PDS5A: variants seen among roughly 807,000 people sequenced by gnomAD.
PDS5A encodes the protein PDS5 cohesin associated factor A, also known as sister chromatid cohesion protein PDS5 homolog A.
A neutral mutation model predicts 167.1 loss-of-function variants in PDS5A; 42 were observed. That is an observed-to-expected ratio of 0.25 (90% confidence interval 0.20 to 0.33). PDS5A has a LOEUF of 0.33. Ranked by LOEUF, PDS5A falls within the 10% of genes least tolerant of loss-of-function variation. The pLI, the probability that PDS5A is intolerant of heterozygous loss-of-function variation, is 1.00. For synonymous variants in PDS5A, 553 were observed against 554.6 expected (o/e 1.00, Z 0.04); for missense variants, 1,033 against 1,605.9 (o/e 0.64, Z 6.10).
rs143772717 is a variant in PDS5A, at chr4:39,972,266, A to C, written c.138+4174T>G. Among the ~76,000 whole-genome samples, 703 of 152,322 alleles carry C rather than the reference A, an allele frequency of 4.6e-3. 8 individuals carry two copies. Among genetic ancestry groups the C allele is most frequent in the African/African-American group, 0.016 (663 of 41,576 alleles). On this transcript the variant is annotated intron_variant, in intron 2 of 32. Coordinates refer to ENST00000303538, the MANE Select transcript of PDS5A (RefSeq NM_001100399.2). ...GCTGGGCGCGGTGGCTCACGCCTGT[A>C]ATCCCAGCACTTTGGGAGGCCGAGG...
At chr4:39,881,032 A>T in intron 17 of PDS5A, among the ~76,000 whole-genome samples, 1 of 150,336 alleles carries the variant, frequency 6.7e-6, no homozygotes. Flanking sequence ...TTTAGCTTCC[A>T]CCTACCAGTG....
chr4:39,974,092 A>G (rs1696068912), intron 2 of PDS5A: 2 of 542,598 alleles, frequency 3.7e-6, no homozygotes, highest in South Asian at 1.5e-5. Context: ...CACCCACTCC[A>G]GCCTGGGCGA....
intron 2 of PDS5A, among the ~76,000 whole-genome samples, chr4:39,946,513 G>C (rs1019083770): frequency 6.6e-6 from 1 of 151,992 alleles, no homozygotes; most frequent in Non-Finnish European, 1.5e-5. Context: ...CTGGTTCTTT[G>C]AAAACATCAA....
At chr4:39,977,904 GAGCACGCGAGAGC>G (rs1433030807) in exon 1 of PDS5A, 2 of 151,352 alleles carry the variant, frequency 1.3e-5, no homozygotes, top group Non-Finnish European at 2.9e-5. This position sits in a 1 kb window ranked among gnomAD's most constrained non-coding sequence, Gnocchi z 4.2. Context: ...AGCGGCGCGA[GAGCACGCGAGAGC>G]AGCGCGCGCT....
chr4:39,975,110 A>T lies in PDS5A; in HGVS notation c.138+1330T>A, dbSNP rs1215266753. Among the ~76,000 whole-genome samples, 6 of 150,176 alleles carry T rather than the reference A, an allele frequency of 4.0e-5. No homozygotes were observed. The Admixed American group carries it at 4.0e-4, about 10-fold the overall frequency. The stretch of plus-strand genomic sequence containing the variant: ...TGACAGAGCAAGACTCCGTCTCAAA[A>T]AAAAAAAAAAAAAAAAAATTTAGCC... On this transcript the variant is annotated intron_variant, in intron 2 of 32. Coordinates refer to ENST00000303538, the MANE Select transcript of PDS5A (RefSeq NM_001100399.2).
At chr4:39,919,337 T>C (rs1455299031) in intron 7 of PDS5A, among the ~76,000 whole-genome samples, 5 of 152,158 alleles carry the variant, frequency 3.3e-5, no homozygotes, top group Non-Finnish European at 7.4e-5. Context: ...TAAATACAAA[T>C]ATGACGATAA....
chr4:39,876,225 A>C (rs554813726), intron 19 of PDS5A, among the ~76,000 whole-genome samples: 1 of 152,250 alleles, frequency 6.6e-6, no homozygotes, highest in South Asian at 2.1e-4. Flanking sequence ...ATAATGTATA[A>C]AATTTATTAT....
chr4:39,942,721 G>A (rs886756215), intron 2 of PDS5A, among the ~76,000 whole-genome samples: 6 of 152,174 alleles, frequency 3.9e-5, no homozygotes, highest in East Asian at 1.9e-4. Flanking sequence ...TTACTACACC[G>A]TCAACTTCCT....
At chr4:39,921,532 T>C (rs957090255) in intron 6 of PDS5A, among the ~76,000 whole-genome samples, 10 of 150,074 alleles carry the variant, frequency 6.7e-5, no homozygotes, top group African/African-American at 2.5e-4. Context: ...GCCCAGGAGT[T>C]TGAGATAAGC....
chr4:39,959,305 A>T (rs530692855), intron 2 of PDS5A, among the ~76,000 whole-genome samples: 129 of 152,240 alleles, frequency 8.5e-4, no homozygotes, highest in African/African-American at 2.9e-3. Context: ...CTCTTTTTAA[A>T]TTTTTTTATT....
At chr4:39,857,820 C>T (rs1354425080) in intron 26 of PDS5A, among the ~76,000 whole-genome samples, 1 of 151,936 alleles carries the variant, frequency 6.6e-6, no homozygotes, top group East Asian at 1.9e-4. Context: ...CACCAATAAC[C>T]CATTTTCTTT....
rs562011491 is a variant in PDS5A at position 39,919,190 on chromosome 4, T to C, written c.735+1129A>G. 7.2e-5 allele frequency among the ~76,000 whole-genome samples: 11 copies of C among 151,972 alleles called. No individual in the cohort carries two copies. In the East Asian group the frequency reaches 2.1e-3, roughly 30 times the overall value. ...ATCCATGGAAAATAATTCAACAATA[T>C]ATAAATGTTAGATTCACAAAGATGA... is the stretch of plus-strand genomic sequence containing the variant. On this transcript the variant is annotated intron_variant, in intron 7 of 32. Coordinates refer to ENST00000303538, the MANE Select transcript of PDS5A (RefSeq NM_001100399.2).
chr4:39,911,373 G>A lies in PDS5A; in HGVS notation c.993-1035C>T, dbSNP rs555189279. 2.0e-5 allele frequency among the ~76,000 whole-genome samples: 3 copies of A among 149,870 alleles called. No individual in the cohort carries two copies. In the East Asian group the frequency reaches 6.1e-4, roughly 30 times the overall value. On this transcript the variant is annotated intron_variant, in intron 9 of 32. Coordinates refer to ENST00000303538, the MANE Select transcript of PDS5A (RefSeq NM_001100399.2). ...ATCACGTCACTGCACTCCAGCCTGGGCGATGAAGTAAGACTCCGTCTCAAA... is the reference window on the plus strand; with the variant it reads ...ATCACGTCACTGCACTCCAGCCTGGACGATGAAGTAAGACTCCGTCTCAAA...
At chr4:39,964,944 AAAT>A (rs978975872) in intron 2 of PDS5A, among the ~76,000 whole-genome samples, 4 of 151,998 alleles carry the variant, frequency 2.6e-5, no homozygotes, top group African/African-American at 7.2e-5. Context: ...CTGTCTCAAA[AAAT>A]AATAATAATA....
intron 2 of PDS5A, among the ~76,000 whole-genome samples, chr4:39,935,868 T>C (rs149743896): frequency 6.6e-6 from 1 of 152,306 alleles, no homozygotes; most frequent in East Asian, 1.9e-4. Flanking sequence ...AGCCAAAAAT[T>C]CCATTCTTAA....
At chr4:39,831,076 T>C (rs984107034) in intron 32 of PDS5A, among the ~76,000 whole-genome samples, 1 of 152,204 alleles carries the variant, frequency 6.6e-6, no homozygotes, top group Non-Finnish European at 1.5e-5. Flanking sequence ...GAGAATGCAG[T>C]ACTTAGCCAC....
At chr4:39,839,895 A>G (rs148071826) in intron 31 of PDS5A, among the ~76,000 whole-genome samples, 4,983 of 151,970 alleles carry the variant, frequency 0.033, 121 homozygotes, top group Non-Finnish European at 0.052. Flanking sequence ...GGAGTTCAAG[A>G]CCAGCCTGGC....
rs1349999177 is a variant in PDS5A at position 39,922,754 on chromosome 4, A to T, written c.528-6T>A. 5 of 1,034,322 alleles carry T rather than the reference A, an allele frequency of 4.8e-6. No homozygotes were observed. Among genetic ancestry groups the T allele is most frequent in the African/African-American group, 3.8e-5 (2 of 52,824 alleles). 64.1% of individuals were successfully genotyped at this position (1,034,322 alleles called of 1,614,324 possible). On this transcript the variant is annotated splice_polypyrimidine_tract_variant and splice_region_variant and intron_variant, in intron 5 of 32. Coordinates refer to ENST00000303538, the MANE Select transcript of PDS5A (RefSeq NM_001100399.2). ...CCTTCTTATTGTGGCTATTGCTATA[A>T]AAAAAAAAAAAAAAGAATAAGTAGT...
chr4:39,954,468 G>A (rs1469184675), intron 2 of PDS5A, among the ~76,000 whole-genome samples: 2 of 152,084 alleles, frequency 1.3e-5, no homozygotes, highest in East Asian at 3.9e-4. Context: ...ACGGGCATGT[G>A]CCACCACCCT....
Sources: gnomAD v4.1 joint callset for allele counts (sites outside exome capture counted in the v4.1 genomes callset) on GRCh38, gnomAD v4.1.1 for gene constraint, Gnocchi (gnomAD v3.1) non-coding constraint, MANE v1.5 for transcripts, NCBI Gene and HGNC (gene_info 2026-07-23, HGNC 2026-07-21) for gene names.